SLC6A16: variants seen among roughly 807,000 people sequenced by gnomAD.
SLC6A16 encodes the protein solute carrier family 6 member 16.
In SLC6A16, 54 loss-of-function variants were observed where a neutral mutation model predicts 65.4. The observed-to-expected ratio is 0.83, with a 90% CI of 0.66 to 1.04. The LOEUF is 1.04. Ranked by LOEUF, SLC6A16 falls within the 50% of genes least tolerant of loss-of-function variation. The pLI, the probability that SLC6A16 is intolerant of heterozygous loss-of-function variation, is 0.00. For missense variants in SLC6A16, 816 were observed against 914.0 expected, an observed-to-expected ratio of 0.89 and a Z score of 1.38; for synonymous variants, 330 against 346.5, an observed-to-expected ratio of 0.95 and a Z score of 0.53.
Position 49,304,450 on chromosome 19 carries a change from T to C in SLC6A16, c.1229+4426A>G, listed in dbSNP as rs141130274. Among the ~76,000 whole-genome samples the C allele has an allele frequency of 2.4e-3, 359 of 152,310 alleles. 1 individual carries two copies. Among genetic ancestry groups the C allele is most frequent in the African/African-American group, 8.2e-3 (341 of 41,576 alleles). ...AAATTATTTCAAAACAATTATGTTA[T>C]CCTCCTCATTTTTTTCCTTTAAAAA... On this transcript the variant is annotated intron_variant, in intron 7 of 11. Coordinates refer to ENST00000335875, the MANE Select transcript of SLC6A16 (RefSeq NM_014037.3).
At chr19:49,299,976 C>T (rs1196915093) in intron 7 of SLC6A16, among the ~76,000 whole-genome samples, 3 of 128,034 alleles carry the variant, frequency 2.3e-5, no homozygotes, top group Non-Finnish European at 4.6e-5. Flanking sequence ...CTAGCCTCAG[C>T]GACAGAGTGA....
At chr19:49,315,797 C>A (rs1198712070) in intron 1 of SLC6A16, among the ~76,000 whole-genome samples, 9 of 149,604 alleles carry the variant, frequency 6.0e-5, no homozygotes, top group Non-Finnish European at 7.4e-5. Flanking sequence ...TGGTGTCTCT[C>A]AAAAAAAAAA....
intron 9 of SLC6A16, 21 bp from the exon 10 acceptor site, chr19:49,293,403 G>A (rs1970118186): frequency 1.2e-6 from 2 of 1,613,314 alleles, no homozygotes; most frequent in East Asian, 4.5e-5. Context: ...CATGAGATCT[G>A]GATCAAGGTT....
chr19:49,334,064 C>T, the SLC6A16 span, among the ~76,000 whole-genome samples: 1 of 152,224 alleles, frequency 6.6e-6, no homozygotes, highest in Non-Finnish European at 1.5e-5. Flanking sequence ...CTTCCCACCT[C>T]GAGCCTGTAG....
chr19:49,339,970 G>A, the SLC6A16 span: 1 of 1,418,670 alleles, frequency 7.0e-7, no homozygotes, highest in Non-Finnish European at 9.2e-7. This position sits in a 1 kb window ranked among gnomAD's most constrained non-coding sequence, Gnocchi z 4.5. Context: ...GGCTGAGGCA[G>A]AGGGGGAAGA....
chr19:49,337,935 G>C, the SLC6A16 span: 1 of 1,614,112 alleles, frequency 6.2e-7, no homozygotes, highest in South Asian at 1.1e-5. Flanking sequence ...CTGGAGCGAA[G>C]CTTGCGGGAC....
chr19:49,309,205 A>G (rs1411706880), intron 6 of SLC6A16, 88 bp from the exon 7 acceptor site: 1 of 1,588,528 alleles, frequency 6.3e-7, no homozygotes. Context: ...GGAGAGAGGG[A>G]GATACAAAAG....
At chr19:49,322,137 C>A (rs1026569803) in intron 1 of SLC6A16, among the ~76,000 whole-genome samples, 1 of 151,998 alleles carries the variant, frequency 6.6e-6, no homozygotes, top group African/African-American at 2.4e-5. Context: ...GGAAACCAAA[C>A]TAGAAAGATT....
intron 1 of SLC6A16, among the ~76,000 whole-genome samples, chr19:49,313,334 TAA>T: frequency 6.6e-6 from 1 of 152,110 alleles, no homozygotes; most frequent in South Asian, 2.1e-4. Flanking sequence ...AGCTAATTTT[TAA>T]AAGTTTTTTT....
chr19:49,314,145 A>G (rs1970578007), intron 1 of SLC6A16, among the ~76,000 whole-genome samples: 1 of 151,802 alleles, frequency 6.6e-6, no homozygotes, highest in Admixed American at 6.6e-5. Flanking sequence ...AAGAAAAAAT[A>G]TGTATTGATA....
At chr19:49,304,457 C>T (rs951071562) in intron 7 of SLC6A16, among the ~76,000 whole-genome samples, 6 of 152,230 alleles carry the variant, frequency 3.9e-5, no homozygotes, top group African/African-American at 1.4e-4. Context: ...TTATCCTCCT[C>T]ATTTTTTTCC....
Position 49,293,329 on chromosome 19 carries a change from C to T in SLC6A16, c.1672G>A (p.Gly558Ser). 6.2e-7 allele frequency: 1 copy of T among 1,614,158 alleles called. No homozygotes were observed. Among genetic ancestry groups the T allele is most frequent in the Non-Finnish European group, 8.5e-7 (1 of 1,180,014 alleles). The change falls in exon 10 of 12, where the codon GGC (glycine) becomes AGC (serine). Residue 558 changes from glycine to serine, a missense_variant. Coordinates refer to ENST00000335875, the MANE Select transcript of SLC6A16 (RefSeq NM_014037.3). ...CTCAGCAGTCTGATGAAGTAGCTGC[C>T]TGAAGGTCGAGTGAAGAAGAGGCCG... is the stretch of plus-strand genomic sequence containing the variant. ...VCGLFFTRPS[G>S]SYFIRLLSDY...
chr19:49,330,342 G>T, the SLC6A16 span, among the ~76,000 whole-genome samples: 1 of 152,112 alleles, frequency 6.6e-6, no homozygotes, highest in Non-Finnish European at 1.5e-5. Flanking sequence ...GCAGTTCAGG[G>T]GAAAGTTTGA....
Position 49,309,334 on chromosome 19 carries a change from T to C in SLC6A16, c.954A>G (p.Ala318=), listed in dbSNP as rs900747876. 9 of 1,614,094 alleles carry C rather than the reference T, an allele frequency of 5.6e-6. No homozygotes were observed. The highest frequency in any genetic ancestry group is 7.6e-6 in the Non-Finnish European group (9 of 1,179,962). Residue 318 remains alanine, a synonymous_variant, in exon 6 of 12, where the codon GCA becomes GCG. Transcript: ENST00000335875. The part of the protein sequence containing the change: ...FFIRTLLLEG[A]KFGLQQLVVA... ...CCACCAACTGTTGAAGGCCAAATTTTGCCCCTTCCAGGAGTAGAGTCCGGA... is the reference window on the plus strand; with the variant it reads ...CCACCAACTGTTGAAGGCCAAATTTCGCCCCTTCCAGGAGTAGAGTCCGGA...
the SLC6A16 span, chr19:49,337,536 C>A: frequency 1.4e-5 from 12 of 885,802 alleles, no homozygotes; most frequent in Admixed American, 3.2e-4. Context: ...GTGGGAGGAT[C>A]ACTTGAGCCA....
the SLC6A16 span, chr19:49,336,650 A>C: frequency 2.2e-6 from 1 of 449,376 alleles, no homozygotes; most frequent in Non-Finnish European, 4.1e-6. Flanking sequence ...ATAGGGCTGA[A>C]ACTACTGGGG....
the SLC6A16 span, chr19:49,336,890 C>A: frequency 6.2e-7 from 1 of 1,613,168 alleles, no homozygotes; most frequent in South Asian, 1.1e-5. Context: ...CTCATCATCA[C>A]TCCCCTCACC....
chr19:49,293,094 T>C, intron 10 of SLC6A16, 129 bp downstream of exon 10: 1 of 740,642 alleles, frequency 1.4e-6, no homozygotes, highest in Non-Finnish European at 2.1e-6. Context: ...AATAAAAAGA[T>C]TTCCCAGAAG....
At chr19:49,319,110 T>C (rs1279655319) in intron 1 of SLC6A16, among the ~76,000 whole-genome samples, 1 of 151,192 alleles carries the variant, frequency 6.6e-6, no homozygotes, top group African/African-American at 2.4e-5. Flanking sequence ...AATAAATCAG[T>C]GAACTTAAAG....
Sources: gnomAD v4.1 joint callset for allele counts (sites outside exome capture counted in the v4.1 genomes callset) on GRCh38, gnomAD v4.1.1 for gene constraint, Gnocchi (gnomAD v3.1) non-coding constraint, MANE v1.5 for transcripts, NCBI Gene and HGNC (gene_info 2026-07-23, HGNC 2026-07-21) for gene names.